SHPK: variants seen among roughly 807,000 people sequenced by gnomAD.
The protein encoded by SHPK is sedoheptulokinase.
In SHPK, 51 loss-of-function variants were observed where a neutral mutation model predicts 46.3. The observed-to-expected ratio is 1.10, with a 90% confidence interval of 0.88 to 1.39. The LOEUF (loss-of-function observed/expected upper bound fraction) is 1.39, where lower values mean the gene tolerates loss of function less well. Among genes scored for constraint, SHPK ranks in the 40% most tolerant of loss-of-function variants. The pLI is 0.00. For synonymous variants in SHPK, 290 were observed against 273.9 expected, an observed-to-expected ratio of 1.06 and a Z score of -0.58; for missense variants, 668 against 641.3, an observed-to-expected ratio of 1.04 and a Z score of -0.45.
At chr17:3,620,925 T>C (rs1356104750) in intron 5 of SHPK, among the ~76,000 whole-genome samples, 1 of 152,204 alleles carries the variant, frequency 6.6e-6, no homozygotes, top group African/African-American at 2.4e-5. Flanking sequence ...CATCAGCTCA[T>C]CTGTTTTCTT....
At chr17:3,629,851 C>A (rs1252442783) in intron 2 of SHPK, among the ~76,000 whole-genome samples, 4 of 151,936 alleles carry the variant, frequency 2.6e-5, no homozygotes, top group Non-Finnish European at 5.9e-5. Context: ...GCAGCTATAG[C>A]CAGTCTCTCG....
Position 3,610,939 on chromosome 17 carries a change from C to G in SHPK, c.1058G>C (p.Arg353Pro). The change falls in exon 7 of 7, where the codon CGC (arginine) becomes CCC (proline). Residue 353 changes from arginine to proline, a missense_variant. Transcript: ENST00000225519. ...CTGCTGCACAGCTGCCTGAATCATG[C>G]GTGAATACACAGTGGATTCTTCAAC... ...LEVEESTVYS[R>P]MIQAAVQQRD... 2 of 1,611,864 alleles carry G rather than the reference C, an allele frequency of 1.2e-6. No individual in the cohort carries two copies. Among genetic ancestry groups the G allele is most frequent in the East Asian group, 2.2e-5 (1 of 44,786 alleles).
At chr17:3,636,019 T>G in intron 1 of SHPK, 33 bp downstream of exon 1, 1 of 1,511,656 alleles carries the variant, frequency 6.6e-7, no homozygotes, top group Non-Finnish European at 8.8e-7. Flanking sequence ...AGGAGGCTCC[T>G]GGAGGCGGCG....
At chr17:3,623,153 G>A (rs1406746274) in intron 4 of SHPK, among the ~76,000 whole-genome samples, 186 bp downstream of exon 4, 1 of 152,168 alleles carries the variant, frequency 6.6e-6, no homozygotes, top group African/African-American at 2.4e-5. Context: ...AAGGGCTCAG[G>A]GCTGTGCTTA....
At position 3,636,037 on chromosome 17, in the gene SHPK, G is replaced by T; in HGVS notation, c.168+15C>A. The T allele has an allele frequency of 6.5e-7, 1 of 1,531,392 alleles. No homozygotes were observed. Among genetic ancestry groups the T allele is most frequent in the South Asian group, 1.2e-5 (1 of 82,608 alleles). 94.9% of individuals were successfully genotyped at this position (1,531,392 alleles called of 1,614,324 possible). A position where few individuals can be genotyped will look rare whatever the true frequency, so the allele number is the denominator to read the frequency against. The stretch of plus-strand genomic sequence containing the variant: ...AGGCTCCTGGAGGCGGCGCGGCCCC[G>T]GGGGTCCAACTCACCTGGGGCCCGG... On this transcript the variant is annotated intron_variant, in intron 1 of 6. Transcript: ENST00000225519.
At chr17:3,626,492 G>T (rs2075438149) in intron 2 of SHPK, among the ~76,000 whole-genome samples, 1 of 151,984 alleles carries the variant, frequency 6.6e-6, no homozygotes, top group South Asian at 2.1e-4. Context: ...GAGGCGGGTG[G>T]ATCACTTGAG....
At position 3,609,832 on chromosome 17, in the gene SHPK, C is replaced by T. The variant is rs111947974; in HGVS notation, c.*728G>A. 3,311 of 152,748 alleles carry T rather than the reference C, an allele frequency of 0.022. 56 individuals are homozygous for T. The highest frequency in any genetic ancestry group is 0.044 in the Middle Eastern group (13 of 294). 9.5% of individuals were successfully genotyped at this position (152,748 alleles called of 1,614,324 possible). ...GGTCCCCCTTGCTGCTCATGCCATC[C>T]GCCTCTCCTTCTCGCAACCTGCCTT... On this transcript the variant is annotated 3_prime_UTR_variant, in exon 7 of 7. Transcript: ENST00000225519.
At position 3,615,385 on chromosome 17, in the gene SHPK, C is replaced by T; in HGVS notation, c.976G>A (p.Val326Met). 1.9e-6 allele frequency: 3 copies of T among 1,614,222 alleles called. No homozygotes were observed. The highest frequency in any genetic ancestry group is 3.3e-5 in the Admixed American group (2 of 60,024). The change falls in exon 6 of 7, where the codon GTG becomes ATG. Residue 326 changes from valine to methionine, a missense_variant. Physicochemically the swap from Val to Met is conservative, Grantham distance 21. Coordinates refer to ENST00000225519, the MANE Select transcript of SHPK (RefSeq NM_013276.4). ...AGCATGTGGACGAACGTGGCCAGCA[C>T]ATTGCCCCCGTTGAGTGACGCGGCC... is the stretch of plus-strand genomic sequence containing the variant. ...GVAASLNGGN[V>M]LATFVHMLVQ...
At chr17:3,634,571 CAAAAAAAAA>C (rs11311796) in intron 1 of SHPK, among the ~76,000 whole-genome samples, 5 of 89,766 alleles carry the variant, frequency 5.6e-5, no homozygotes, top group South Asian at 3.7e-4. Flanking sequence ...GACCCTGTCT[CAAAAAAAAA>C]AAAAAAAAAA....
chr17:3,627,822 C>T (rs2075446668), intron 2 of SHPK, among the ~76,000 whole-genome samples: 1 of 151,614 alleles, frequency 6.6e-6, no homozygotes, highest in South Asian at 2.1e-4. Flanking sequence ...ATTAAAAGGA[C>T]ATTTATTCTC....
In SHPK at chr17:3,612,914, G is replaced by A. The variant is rs139293113; in HGVS notation, c.1025-1942C>T. ...CTACAGGTGCATGCCACCACTCCAG[G>A]CTAATTTTTGTATTTTTAGTAGAGA... On this transcript the variant is annotated intron_variant, in intron 6 of 6. Coordinates refer to ENST00000225519, the MANE Select transcript of SHPK (RefSeq NM_013276.4). Among the ~76,000 whole-genome samples the A allele has an allele frequency of 3.9e-3, 590 of 152,154 alleles. 14 individuals carry two copies. In the East Asian group the frequency reaches 0.054, roughly 14 times the overall value.
chr17:3,627,971 G>A (rs1473246783), intron 2 of SHPK, among the ~76,000 whole-genome samples: 1 of 151,918 alleles, frequency 6.6e-6, no homozygotes, highest in Non-Finnish European at 1.5e-5. Context: ...CGGGTCTGAT[G>A]ATAGCCGGAC....
At chr17:3,635,521 C>T (rs927764134) in intron 1 of SHPK, among the ~76,000 whole-genome samples, 1 of 152,204 alleles carries the variant, frequency 6.6e-6, no homozygotes, top group Non-Finnish European at 1.5e-5. Flanking sequence ...AGGCGTGAGC[C>T]ACCGCGCCCG....
chr17:3,635,050 T>C (rs2075501153), intron 1 of SHPK, among the ~76,000 whole-genome samples: 1 of 151,770 alleles, frequency 6.6e-6, no homozygotes, highest in African/African-American at 2.4e-5. Flanking sequence ...CTCACACCTG[T>C]AGTCCCAGCT....
intron 6 of SHPK, among the ~76,000 whole-genome samples, chr17:3,614,340 C>G (rs543355418): frequency 9.0e-4 from 137 of 151,714 alleles, no homozygotes; most frequent in African/African-American, 2.8e-3. Context: ...CTGGCTAACA[C>G]GGTGAAACCC....
chr17:3,611,304 C>T (rs62069928), intron 6 of SHPK, among the ~76,000 whole-genome samples: 25,193 of 152,132 alleles, frequency 0.17, 2,648 homozygotes, highest in Non-Finnish European at 0.23. Context: ...CGTGGTGGCT[C>T]ACGCCTGTAA....
intron 2 of SHPK, among the ~76,000 whole-genome samples, chr17:3,625,573 G>C (rs1230743880): frequency 6.6e-6 from 1 of 152,104 alleles, no homozygotes; most frequent in Non-Finnish European, 1.5e-5. Flanking sequence ...AAGCCACCGT[G>C]ACCCCCTGGA....
intron 2 of SHPK, among the ~76,000 whole-genome samples, chr17:3,626,679 G>A (rs1245587776): frequency 5.5e-5 from 8 of 146,446 alleles, no homozygotes; most frequent in Middle Eastern, 3.5e-3. Flanking sequence ...CAGAGATTGC[G>A]CCACTGCACT....
chr17:3,610,683 G>T lies in SHPK; in HGVS notation c.1314C>A (p.Asp438Glu), dbSNP rs376637791. 6.2e-7 allele frequency: 1 copy of T among 1,613,944 alleles called. No individual in the cohort carries two copies. The highest frequency in any genetic ancestry group is 8.5e-7 in the Non-Finnish European group (1 of 1,180,024). Residue 438 changes from aspartate to glutamate, a missense_variant, in exon 7 of 7, where the codon GAC becomes GAA. Asp to Glu is a conservative substitution (Grantham distance 45, BLOSUM62 2). Coordinates refer to ENST00000225519, the MANE Select transcript of SHPK (RefSeq NM_013276.4). Reference sequence around the variant, plus strand: ...CCCTCTGCACCTCCTGCTTCAGCACGTCATTCCTGGACAGCGCACTCCCAC... The same window carrying T: ...CCCTCTGCACCTCCTGCTTCAGCACTTCATTCCTGGACAGCGCACTCCCAC... ...MGSGSALSRN[D>E]VLKQEVQRAF...
Sources: allele counts gnomAD v4.1 joint callset (sites outside exome capture counted in the v4.1 genomes callset), GRCh38; gene constraint gnomAD v4.1.1; transcripts MANE v1.5; gene names NCBI Gene and HGNC (gene_info 2026-07-23, HGNC 2026-07-21).